Variants in SMYD3 observed in about 807,000 individuals in gnomAD.
The protein encoded by SMYD3 is histone-lysine N-methyltransferase SMYD3.
A neutral mutation model predicts 57.7 loss-of-function variants in SMYD3; 36 were observed. The observed-to-expected ratio is 0.62, with a 90% CI of 0.48 to 0.82. The LOEUF (loss-of-function observed/expected upper bound fraction) is 0.82. Among genes scored for constraint, SMYD3 ranks in the 40% least tolerant of loss-of-function variants. The probability of loss-of-function intolerance (pLI) is 0.00; values close to 1 mark genes in which losing one functional copy is unlikely to be tolerated. For missense variants in SMYD3, 515 were observed against 538.8 expected (o/e 0.96, Z 0.44); for synonymous variants, 211 against 195.0 (o/e 1.08, Z -0.68).
chr1:245,852,705 C>A (rs2051039179), intron 10 of SMYD3, among the ~76,000 whole-genome samples: 1 of 152,092 alleles, frequency 6.6e-6, no homozygotes, highest in Admixed American at 6.5e-5. Context: ...CCTCCTTTTT[C>A]ATTGGATTTT....
At chr1:245,756,289 C>G (rs184139966) in intron 11 of SMYD3, among the ~76,000 whole-genome samples, 20 of 151,788 alleles carry the variant, frequency 1.3e-4, no homozygotes, top group African/African-American at 4.8e-4. Context: ...CCCTCCCCCA[C>G]TCCCCCATTT....
chr1:246,256,504 T>G (rs971927644), intron 5 of SMYD3, among the ~76,000 whole-genome samples: 3 of 152,234 alleles, frequency 2.0e-5, no homozygotes, highest in Admixed American at 1.3e-4. Flanking sequence ...GGATCTTTTG[T>G]GTTTCTGTGG....
At chr1:245,991,153 A>C (rs1255800499) in intron 5 of SMYD3, among the ~76,000 whole-genome samples, 1 of 152,244 alleles carries the variant, frequency 6.6e-6, no homozygotes, top group African/African-American at 2.4e-5. Context: ...CTATATGTGG[A>C]AAAAATGCAC....
chr1:246,070,116 T>A (rs982983346), intron 5 of SMYD3, among the ~76,000 whole-genome samples: 20 of 151,950 alleles, frequency 1.3e-4, no homozygotes, highest in African/African-American at 4.6e-4. Flanking sequence ...ACTTAGAGAG[T>A]CAAAGACTAC....
intron 5 of SMYD3, among the ~76,000 whole-genome samples, chr1:246,181,470 G>C (rs2062550569): frequency 6.6e-6 from 1 of 152,178 alleles, no homozygotes; most frequent in African/African-American, 2.4e-5. Flanking sequence ...CAGTACATCT[G>C]ACATCCTGTC....
At chr1:246,066,697 T>G (rs2060345958) in intron 5 of SMYD3, among the ~76,000 whole-genome samples, 1 of 152,250 alleles carries the variant, frequency 6.6e-6, no homozygotes, top group Admixed American at 6.5e-5. Context: ...TTCATTCTTT[T>G]GTAATCTGCT....
chr1:245,965,801 C>G (rs2058129978), intron 5 of SMYD3, among the ~76,000 whole-genome samples: 1 of 152,190 alleles, frequency 6.6e-6, no homozygotes, highest in Admixed American at 6.5e-5. Flanking sequence ...GACGCTCTAA[C>G]AGTGAAGACA....
intron 5 of SMYD3, among the ~76,000 whole-genome samples, chr1:246,187,426 A>C (rs964856564): frequency 3.3e-5 from 5 of 152,236 alleles, no homozygotes; most frequent in African/African-American, 1.2e-4. Flanking sequence ...GAAACACAAG[A>C]CATAGACATG....
chr1:246,175,776 T>C (rs1476866317), intron 5 of SMYD3, among the ~76,000 whole-genome samples: 1 of 152,218 alleles, frequency 6.6e-6, no homozygotes, highest in Non-Finnish European at 1.5e-5. Context: ...AGTGGGAGAA[T>C]ATGTCAATCA....
At chr1:245,979,959 T>TTCTGCGTCAGACACCACTTC (rs2058555652) in intron 5 of SMYD3, among the ~76,000 whole-genome samples, 13 of 152,360 alleles carry the variant, frequency 8.5e-5, no homozygotes, top group Admixed American at 8.5e-4. Flanking sequence ...GAAGCGCAGC[T>TTCTGCGTCAGACACCACTTC]TCTGCGTCAG....
intron 1 of SMYD3, among the ~76,000 whole-genome samples, chr1:246,499,838 A>G (rs1342459397): frequency 1.3e-5 from 2 of 149,970 alleles, no homozygotes; most frequent in African/African-American, 2.5e-5. Flanking sequence ...ACCCACATAA[A>G]CAAAACATCA....
At chr1:246,458,876 C>T (rs77561705) in intron 1 of SMYD3, among the ~76,000 whole-genome samples, 32,311 of 152,048 alleles carry the variant, frequency 0.21, 3,623 homozygotes, top group Middle Eastern at 0.29. Context: ...AACACTTTTG[C>T]AAGTAATGAT....
chr1:246,500,368 C>A (rs1283093175), intron 1 of SMYD3, among the ~76,000 whole-genome samples: 3 of 152,168 alleles, frequency 2.0e-5, no homozygotes, highest in African/African-American at 4.8e-5. Flanking sequence ...TGCTCTAATT[C>A]TTTCTGGGAA....
chr1:246,307,619 C>T (rs2065006923), intron 5 of SMYD3, among the ~76,000 whole-genome samples: 1 of 151,858 alleles, frequency 6.6e-6, no homozygotes, highest in Non-Finnish European at 1.5e-5. Flanking sequence ...CGGGGTTTCA[C>T]CGTTTTAGCC....
At chr1:246,329,933 C>T (rs934427540) in intron 4 of SMYD3, among the ~76,000 whole-genome samples, 20 of 152,136 alleles carry the variant, frequency 1.3e-4, no homozygotes, top group African/African-American at 4.3e-4. Flanking sequence ...AAAATCAAAA[C>T]GAAACCTACC....
intron 1 of SMYD3, among the ~76,000 whole-genome samples, chr1:246,360,475 C>A (rs1213193678): frequency 6.6e-6 from 1 of 151,854 alleles, no homozygotes; most frequent in East Asian, 1.9e-4. Flanking sequence ...CATACGGAAC[C>A]AAAAAAGAGA....
chr1:246,149,577 T>C (rs1444247231), intron 5 of SMYD3, among the ~76,000 whole-genome samples: 4 of 152,006 alleles, frequency 2.6e-5, no homozygotes, highest in African/African-American at 7.3e-5. Flanking sequence ...TTAAAAATAA[T>C]GAGGCAGATA....
At chr1:246,263,450 G>A (rs941587042) in intron 5 of SMYD3, among the ~76,000 whole-genome samples, 5 of 152,174 alleles carry the variant, frequency 3.3e-5, no homozygotes, top group Admixed American at 6.5e-5. Flanking sequence ...TGGTAGGCAT[G>A]AGGTGGAGCA....
chr1:245,775,311 T>G (rs550898341), intron 10 of SMYD3, among the ~76,000 whole-genome samples: 1 of 152,102 alleles, frequency 6.6e-6, no homozygotes, highest in Non-Finnish European at 1.5e-5. Flanking sequence ...GAAATCAGAT[T>G]GTTGCTGTGT....
Sources: allele counts gnomAD v4.1 joint callset (sites outside exome capture counted in the v4.1 genomes callset), GRCh38; gene constraint gnomAD v4.1.1; transcripts MANE v1.5; gene names NCBI Gene and HGNC (gene_info 2026-07-23, HGNC 2026-07-21).